Variants in FAAH2 observed in about 807,000 individuals in gnomAD.
FAAH2 encodes fatty-acid amide hydrolase 2.
A neutral mutation model predicts 36.9 loss-of-function variants in FAAH2; 60 were observed. The observed-to-expected ratio is 1.63, with a 90% CI of 1.32 to 2.02. The LOEUF (loss-of-function observed/expected upper bound fraction) is 2.02, where lower values mean the gene tolerates loss of function less well. FAAH2 is among the 30% of genes most tolerant of loss of function. The probability of loss-of-function intolerance (pLI) is 0.00; values close to 1 mark genes in which losing one functional copy is unlikely to be tolerated. For missense variants in FAAH2, 689 were observed against 397.5 expected (o/e 1.73, Z -6.23); for synonymous variants, 214 against 143.8 (o/e 1.49, Z -3.49).
rs190722907 is a variant in FAAH2, at chrX:57,321,062, T to C, written c.412+10333T>C. Reference sequence around the variant, plus strand: ...GGCTGAGGCAGGAGAATGGCGTGAATCTAGGAGGCGGAGTTTGCAGTGAGC... The same window carrying C: ...GGCTGAGGCAGGAGAATGGCGTGAACCTAGGAGGCGGAGTTTGCAGTGAGC... On this transcript the variant is annotated intron_variant, in intron 3 of 10. Transcript: ENST00000374900. Among the ~76,000 whole-genome samples the C allele has an allele frequency of 5.7e-4, 62 of 109,146 alleles. 1 individual carries two copies. The East Asian group carries it at 0.018, about 31-fold the overall frequency. 94.8% of individuals were successfully genotyped at this position (109,146 alleles called of 115,157 possible).
At chrX:57,313,889 T>G (rs895733197) in intron 3 of FAAH2, among the ~76,000 whole-genome samples, 6 of 110,548 alleles carry the variant, frequency 5.4e-5, no homozygotes, top group Non-Finnish European at 1.1e-4. Flanking sequence ...TTGAATAAAA[T>G]CACACATATT....
At chrX:57,443,662 T>G (rs2056612058) in intron 8 of FAAH2, among the ~76,000 whole-genome samples, 1 of 112,238 alleles carries the variant, frequency 8.9e-6, no homozygotes, top group South Asian at 3.7e-4. Flanking sequence ...GGTGAGGAGC[T>G]GCATTCCTTT....
At chrX:57,213,835 T>C in the FAAH2 span, among the ~76,000 whole-genome samples, 455 of 112,158 alleles carry the variant, frequency 4.1e-3, 2 homozygotes, top group African/African-American at 0.014. Context: ...AGATGTCTGC[T>C]AGATCCATTT....
intron 7 of FAAH2, among the ~76,000 whole-genome samples, chrX:57,405,609 T>A (rs1180554821): frequency 1.9e-5 from 2 of 106,623 alleles, no homozygotes; most frequent in African/African-American, 6.9e-5. Context: ...GCTCCAGCGG[T>A]ATATCAGAGC....
At chrX:57,327,561 C>T (rs780574291) in intron 3 of FAAH2, among the ~76,000 whole-genome samples, 21 of 110,879 alleles carry the variant, frequency 1.9e-4, no homozygotes, top group African/African-American at 6.5e-4. Flanking sequence ...TTTCTCTAAA[C>T]TTCTCTTCTC....
chrX:57,316,014 T>C (rs1454373737), intron 3 of FAAH2, among the ~76,000 whole-genome samples: 2 of 111,621 alleles, frequency 1.8e-5, no homozygotes, highest in East Asian at 2.8e-4. Context: ...AAAGACTCCA[T>C]CAAAATCCTA....
intron 10 of FAAH2, among the ~76,000 whole-genome samples, chrX:57,456,258 G>T (rs759228413): frequency 9.8e-5 from 11 of 112,020 alleles, no homozygotes; most frequent in African/African-American, 3.6e-4. Context: ...TAATGAAATA[G>T]GAGACACAGC....
chrX:57,143,488 T>C, the FAAH2 span, among the ~76,000 whole-genome samples: 1 of 110,447 alleles, frequency 9.1e-6, no homozygotes, highest in Non-Finnish European at 1.9e-5. Flanking sequence ...TTATTATTAT[T>C]ATTATTGAGA....
At chrX:57,130,580 T>TA in the FAAH2 span, among the ~76,000 whole-genome samples, 1 of 112,326 alleles carries the variant, frequency 8.9e-6, no homozygotes, top group African/African-American at 3.2e-5. Context: ...GATTTTTAGT[T>TA]AAAGAGTTTT....
intron 2 of FAAH2, among the ~76,000 whole-genome samples, chrX:57,296,254 C>T (rs2052152313): frequency 9.0e-6 from 1 of 111,313 alleles, no homozygotes; most frequent in African/African-American, 3.3e-5. Flanking sequence ...TGAGACAAAA[C>T]ATCCAGAGGA....
intron 10 of FAAH2, among the ~76,000 whole-genome samples, chrX:57,479,010 C>T (rs1335941947): frequency 3.6e-5 from 4 of 111,085 alleles, no homozygotes; most frequent in African/African-American, 6.5e-5. Context: ...AGTAGTTTTT[C>T]CCAATTCTGT....
intron 3 of FAAH2, among the ~76,000 whole-genome samples, chrX:57,329,801 T>C (rs2053344697): frequency 9.0e-6 from 1 of 111,439 alleles, no homozygotes; most frequent in South Asian, 3.8e-4. Context: ...AGAACTTGGA[T>C]TGTGAAGATT....
the FAAH2 span, among the ~76,000 whole-genome samples, chrX:57,222,613 C>T: frequency 2.7e-5 from 3 of 111,437 alleles, no homozygotes; most frequent in Non-Finnish European, 5.7e-5. Context: ...TGTTAGCTCA[C>T]TGCAGTGTAC....
At chrX:57,476,346 C>T (rs7891852) in intron 10 of FAAH2, among the ~76,000 whole-genome samples, 39,719 of 109,461 alleles carry the variant, frequency 0.36, 6,270 homozygotes, top group Middle Eastern at 0.61. Flanking sequence ...TCATAAATAG[C>T]TCTTATTATT....
intron 10 of FAAH2, among the ~76,000 whole-genome samples, chrX:57,485,594 A>G (rs1306778324): frequency 9.0e-6 from 1 of 111,664 alleles, no homozygotes; most frequent in Non-Finnish European, 1.9e-5. Flanking sequence ...TTATTTTGAT[A>G]GCGTCCCATA....
chrX:57,392,626 G>T (rs1222558420), intron 7 of FAAH2: 5 of 731,051 alleles, frequency 6.8e-6, no homozygotes, highest in Admixed American at 2.3e-5. Context: ...GCTTCTTGAA[G>T]ATGGATGATG....
At chrX:57,243,663 T>C in the FAAH2 span, among the ~76,000 whole-genome samples, 1 of 112,046 alleles carries the variant, frequency 8.9e-6, no homozygotes, top group Non-Finnish European at 1.9e-5. Context: ...GGGGCCTGAC[T>C]GTTAGAAGGA....
intron 3 of FAAH2, among the ~76,000 whole-genome samples, chrX:57,328,515 C>G (rs1422988650): frequency 9.0e-6 from 1 of 111,405 alleles, no homozygotes; most frequent in Non-Finnish European, 1.9e-5. Flanking sequence ...TCCAGGATCT[C>G]AATGATCTTT....
chrX:57,295,473 G>A (rs752422295), intron 2 of FAAH2, among the ~76,000 whole-genome samples: 1 of 112,016 alleles, frequency 8.9e-6, no homozygotes, highest in South Asian at 3.7e-4. Flanking sequence ...CATATAGAGG[G>A]GGTGGAGCCA....
Sources: gnomAD v4.1 joint callset for allele counts (sites outside exome capture counted in the v4.1 genomes callset) on GRCh38, gnomAD v4.1.1 for gene constraint, MANE v1.5 for transcripts, NCBI Gene and HGNC (gene_info 2026-07-23, HGNC 2026-07-21) for gene names.